SH3BGRL2: variants seen among roughly 807,000 people sequenced by gnomAD.
The protein encoded by SH3BGRL2 is SH3 domain binding glutamate rich protein like 2.
In SH3BGRL2, 21 loss-of-function variants were observed where a neutral mutation model predicts 14.8. That is an observed-to-expected ratio of 1.42 (90% CI 1.01 to 2.05). The LOEUF is 2.05. Ranked by LOEUF, SH3BGRL2 falls within the 30% of genes most tolerant of loss-of-function variation. The pLI is 0.00. For missense variants in SH3BGRL2, 147 were observed against 130.8 expected, an observed-to-expected ratio of 1.12 and a Z score of -0.61; for synonymous variants, 50 against 47.8, an observed-to-expected ratio of 1.05 and a Z score of -0.19.
chr6:79,615,827 TC>T, the SH3BGRL2 span, among the ~76,000 whole-genome samples: 21 of 114,766 alleles, frequency 1.8e-4, no homozygotes, highest in East Asian at 4.6e-4. Context: ...CTTTTTTTTT[TC>T]TTTCTTTTTT....
intron 3 of SH3BGRL2, 91 bp downstream of exon 3, chr6:79,696,656 A>G: frequency 1.1e-6 from 1 of 910,054 alleles, no homozygotes; most frequent in Non-Finnish European, 1.6e-6. Flanking sequence ...AGGAATGCAT[A>G]TATAATTTCT....
At chr6:79,696,868 T>C (rs1204487705) in intron 3 of SH3BGRL2, among the ~76,000 whole-genome samples, 1 of 152,118 alleles carries the variant, frequency 6.6e-6, no homozygotes, top group Admixed American at 6.5e-5. Flanking sequence ...CTGTTTAAAA[T>C]TGCAAATTTT....
At chr6:79,646,122 C>G (rs1035065224) in intron 1 of SH3BGRL2, among the ~76,000 whole-genome samples, 1 of 152,178 alleles carries the variant, frequency 6.6e-6, no homozygotes, top group Non-Finnish European at 1.5e-5. Context: ...AGCACCCTTC[C>G]TCCTGGTTGC....
intron 1 of SH3BGRL2, among the ~76,000 whole-genome samples, chr6:79,650,016 C>T (rs2746310): frequency 6.7e-6 from 1 of 149,174 alleles, no homozygotes; most frequent in Non-Finnish European, 1.5e-5. Flanking sequence ...CACACACACA[C>T]AGTTACCCTA....
At chr6:79,586,756 C>T in the SH3BGRL2 span, among the ~76,000 whole-genome samples, 1 of 152,198 alleles carries the variant, frequency 6.6e-6, no homozygotes. Context: ...AGGAAATTCT[C>T]CCTTGTGGTC....
chr6:79,572,687 G>A, the SH3BGRL2 span, among the ~76,000 whole-genome samples: 4 of 151,964 alleles, frequency 2.6e-5, no homozygotes, highest in Admixed American at 1.3e-4. Context: ...GGATGGTCTC[G>A]ATCTCCTGAC....
At chr6:79,605,081 TA>T in the SH3BGRL2 span, among the ~76,000 whole-genome samples, 1 of 152,194 alleles carries the variant, frequency 6.6e-6, no homozygotes, top group Non-Finnish European at 1.5e-5. Context: ...CTTTGACCAA[TA>T]AAATACGGCA....
At chr6:79,674,497 G>T (rs1302499465) in intron 2 of SH3BGRL2, among the ~76,000 whole-genome samples, 1 of 152,128 alleles carries the variant, frequency 6.6e-6, no homozygotes, top group Non-Finnish European at 1.5e-5. Flanking sequence ...TTTGCCTTTT[G>T]CCATATCTCT....
At chr6:79,663,031 C>G (rs1279205781) in intron 1 of SH3BGRL2, among the ~76,000 whole-genome samples, 2 of 152,188 alleles carry the variant, frequency 1.3e-5, no homozygotes, top group East Asian at 1.9e-4. Flanking sequence ...ACTGCTTATT[C>G]TAGTTAGCCA....
At chr6:79,648,078 GA>G (rs1415198035) in intron 1 of SH3BGRL2, among the ~76,000 whole-genome samples, 1 of 150,436 alleles carries the variant, frequency 6.6e-6, no homozygotes. Context: ...CCATTAAAGG[GA>G]AAAAAATCAT....
chr6:79,655,995 G>T (rs1447565195), intron 1 of SH3BGRL2, among the ~76,000 whole-genome samples: 1 of 152,190 alleles, frequency 6.6e-6, no homozygotes, highest in East Asian at 1.9e-4. Context: ...TCACTGCCTG[G>T]GCCCGGGTAT....
chr6:79,570,640 G>T, the SH3BGRL2 span, among the ~76,000 whole-genome samples: 1 of 152,148 alleles, frequency 6.6e-6, no homozygotes, highest in Non-Finnish European at 1.5e-5. Flanking sequence ...TACCAACCCT[G>T]CCAGAACTGG....
At chr6:79,616,052 G>T in the SH3BGRL2 span, among the ~76,000 whole-genome samples, 14 of 151,918 alleles carry the variant, frequency 9.2e-5, no homozygotes, top group African/African-American at 3.4e-4. Flanking sequence ...CCGACCTCAG[G>T]TGATCCACCC....
intron 2 of SH3BGRL2, among the ~76,000 whole-genome samples, chr6:79,686,539 T>C (rs900887693): frequency 6.6e-6 from 1 of 152,190 alleles, no homozygotes; most frequent in African/African-American, 2.4e-5. Context: ...TTATTCTTTT[T>C]ATCTACTTTC....
chr6:79,631,425 C>A lies in SH3BGRL2; in HGVS notation c.-37C>A. ...TCTGCGTCCACGCCAGCCCGGAGCC[C>A]GGGGGGCAAGGGGTCTGTCCCGGGC... On this transcript the variant is annotated 5_prime_UTR_variant, in exon 1 of 4. Transcript: ENST00000369838. 6.6e-7 allele frequency: 1 copy of A among 1,505,276 alleles called. No homozygotes were observed. Among genetic ancestry groups the A allele is most frequent in the Non-Finnish European group, 8.9e-7 (1 of 1,126,038 alleles). 93.2% of individuals were successfully genotyped at this position (1,505,276 alleles called of 1,614,324 possible). A position where few individuals can be genotyped will look rare whatever the true frequency, so the allele number is the denominator to read the frequency against.
chr6:79,552,466 C>G, the SH3BGRL2 span, among the ~76,000 whole-genome samples: 1 of 152,160 alleles, frequency 6.6e-6, no homozygotes, highest in Admixed American at 6.5e-5. Context: ...AGATTCTGTT[C>G]TGTAAGTCTT....
At chr6:79,539,454 A>G in the SH3BGRL2 span, among the ~76,000 whole-genome samples, 1 of 152,328 alleles carries the variant, frequency 6.6e-6, no homozygotes, top group East Asian at 1.9e-4. Context: ...CTTGTTTTTA[A>G]AGATTTTGTT....
At chr6:79,541,649 A>G in the SH3BGRL2 span, among the ~76,000 whole-genome samples, 1 of 152,198 alleles carries the variant, frequency 6.6e-6, no homozygotes, top group East Asian at 1.9e-4. Context: ...AATATGAACT[A>G]TTAGTAAGTA....
chr6:79,681,315 A>AT (rs994116161), intron 2 of SH3BGRL2, among the ~76,000 whole-genome samples: 2 of 151,596 alleles, frequency 1.3e-5, no homozygotes, highest in Non-Finnish European at 2.9e-5. Context: ...TATTGAGTTA[A>AT]TTTTTTTTTA....
Sources: allele counts gnomAD v4.1 joint callset (sites outside exome capture counted in the v4.1 genomes callset), GRCh38; gene constraint gnomAD v4.1.1; transcripts MANE v1.5; gene names NCBI Gene and HGNC (gene_info 2026-07-23, HGNC 2026-07-21).